Variants in NR3C2 observed in about 807,000 individuals in gnomAD.
The protein encoded by NR3C2 is nuclear receptor subfamily 3 group C member 2, also known as mineralocorticoid receptor.
A neutral mutation model predicts 86.4 loss-of-function variants in NR3C2; 15 were observed. The observed-to-expected ratio is 0.17, with a 90% CI of 0.12 to 0.27. The LOEUF is 0.27. NR3C2 is among the 10% of genes least tolerant of loss of function. The pLI is 1.00. For missense variants in NR3C2, 960 were observed against 1,195.6 expected (o/e 0.80, Z 2.91); for synonymous variants, 458 against 450.5 (o/e 1.02, Z -0.21).
rs1317208114 is a variant in NR3C2 at position 148,435,442 on chromosome 4, T to C, written c.1419A>G (p.Leu473=). Reference sequence around the variant, plus strand: ...CATCAAAGCCGGGCACAGGTGGTCCTAAAATTCCTGATAGGGAATAATAGT... The same window carrying C: ...CATCAAAGCCGGGCACAGGTGGTCCCAAAATTCCTGATAGGGAATAATAGT... ...DKDYYSLSGI[L]GPPVPGFDGN... Residue 473 remains leucine, a synonymous_variant, in exon 2 of 9, where the codon TTA becomes TTG. Transcript: ENST00000358102. 6.2e-7 allele frequency: 1 copy of C among 1,614,050 alleles called. No homozygotes were observed. Among genetic ancestry groups the C allele is most frequent in the African/African-American group, 1.3e-5 (1 of 74,918 alleles).
In NR3C2 at chr4:148,081,010, GA is replaced by G; in HGVS notation, c.*333del. The G allele has an allele frequency of 2.7e-6, 1 of 374,172 alleles. No homozygotes were observed. The highest frequency in any genetic ancestry group is 3.8e-5 in the Admixed American group (1 of 26,626). The allele number at this position is 374,172 out of a possible 1,614,324, so 23.2% of individuals were successfully genotyped here. A position where few individuals can be genotyped will look rare whatever the true frequency, so the allele number is the denominator to read the frequency against. On this transcript the variant is annotated 3_prime_UTR_variant, in exon 9 of 9. Coordinates refer to ENST00000358102, the MANE Select transcript of NR3C2 (RefSeq NM_000901.5). ...CTTTTAAAACAAGCGAACGATACCAGAAACTACACGGCATAGTTAAAACTTC... is the reference window on the plus strand; with the variant it reads ...CTTTTAAAACAAGCGAACGATACCAGAACTACACGGCATAGTTAAAACTTC...
intron 3 of NR3C2, among the ~76,000 whole-genome samples, chr4:148,222,456 A>T (rs1379608408): frequency 6.6e-6 from 1 of 152,224 alleles, no homozygotes; most frequent in East Asian, 1.9e-4. Context: ...GAAAAAGAAG[A>T]TGAAAAATTT....
chr4:148,357,152 C>T (rs1314320818), intron 2 of NR3C2, among the ~76,000 whole-genome samples: 1 of 152,098 alleles, frequency 6.6e-6, no homozygotes, highest in African/African-American at 2.4e-5. Context: ...TGTTCCAAGG[C>T]TGATCTGGCA....
chr4:148,187,050 A>G (rs1735959652), intron 4 of NR3C2, among the ~76,000 whole-genome samples: 1 of 134,874 alleles, frequency 7.4e-6, no homozygotes, highest in Admixed American at 7.5e-5. Context: ...ATATAAAGAA[A>G]CTGTGATATA....
chr4:148,271,401 G>A (rs1456292950), intron 2 of NR3C2, among the ~76,000 whole-genome samples: 2 of 151,920 alleles, frequency 1.3e-5, no homozygotes, highest in Non-Finnish European at 2.9e-5. Context: ...TGAAGTTTGG[G>A]GTTGTTTCTT....
At chr4:148,423,346 ATTTGTCCTGC>A (rs1749374203) in intron 2 of NR3C2, among the ~76,000 whole-genome samples, 1 of 152,056 alleles carries the variant, frequency 6.6e-6, no homozygotes, top group Non-Finnish European at 1.5e-5. Flanking sequence ...GGCAAGTTTC[ATTTGTCCTGC>A]CTAGCACTTG....
At chr4:148,143,947 CAAAAAAA>C (rs67177081) in intron 6 of NR3C2, among the ~76,000 whole-genome samples, 1 of 64,424 alleles carries the variant, frequency 1.6e-5, no homozygotes, top group Non-Finnish European at 2.7e-5. Context: ...AACTCTGTCT[CAAAAAAA>C]AAAAAAAAAA....
At chr4:148,300,214 T>C (rs774737586) in intron 2 of NR3C2, among the ~76,000 whole-genome samples, 2 of 152,228 alleles carry the variant, frequency 1.3e-5, no homozygotes, top group Non-Finnish European at 2.9e-5. Flanking sequence ...CATTTTGCGA[T>C]GGTGGCCCAG....
At chr4:148,156,424 C>T (rs1030677303) in intron 4 of NR3C2, among the ~76,000 whole-genome samples, 4 of 151,968 alleles carry the variant, frequency 2.6e-5, no homozygotes, top group Admixed American at 6.6e-5. Flanking sequence ...AAGAAAAAAA[C>T]AAACAACCCC....
intron 7 of NR3C2, among the ~76,000 whole-genome samples, chr4:148,115,879 A>G (rs1732252859): frequency 6.6e-6 from 1 of 152,238 alleles, no homozygotes. Flanking sequence ...TCCATTATAT[A>G]ACAAATAGTA....
At chr4:148,093,754 A>G (rs186664194) in intron 8 of NR3C2, among the ~76,000 whole-genome samples, 2 of 152,348 alleles carry the variant, frequency 1.3e-5, no homozygotes, top group Non-Finnish European at 2.9e-5. Context: ...CAGTGATTAT[A>G]TAAGAAGTTT....
intron 4 of NR3C2, among the ~76,000 whole-genome samples, chr4:148,185,063 C>G (rs1735828961): frequency 6.6e-6 from 1 of 152,204 alleles, no homozygotes; most frequent in African/African-American, 2.4e-5. Flanking sequence ...CGAACCACCC[C>G]ACATTCACCA....
intron 2 of NR3C2, among the ~76,000 whole-genome samples, chr4:148,265,737 G>T (rs1561008609): frequency 6.6e-6 from 1 of 152,102 alleles, no homozygotes; most frequent in Non-Finnish European, 1.5e-5. Flanking sequence ...CTATCTTAGA[G>T]CACAGCGAGA....
chr4:148,330,698 G>A (rs6826213), intron 2 of NR3C2, among the ~76,000 whole-genome samples: 22,008 of 152,162 alleles, frequency 0.14, 1,744 homozygotes, highest in South Asian at 0.27. Context: ...TATATGATAT[G>A]CTTTGGATTA....
Position 148,435,877 on chromosome 4 carries a change from A to C in NR3C2, c.984T>G (p.Ser328Arg). 6.2e-7 allele frequency: 1 copy of C among 1,614,196 alleles called. No homozygotes were observed. The highest frequency in any genetic ancestry group is 8.5e-7 in the Non-Finnish European group (1 of 1,180,038). Residue 328 changes from serine (S) to arginine (R), a missense_variant, in exon 2 of 9, where the codon AGT (serine) becomes AGG (arginine). Ser to Arg is a moderately radical substitution (Grantham distance 110). This residue lies in a region of NR3C2 where 680 missense variants were observed against 719.0 expected (regional missense o/e 0.95). Transcript: ENST00000358102. ...NRSTLSSPAA[S>R]TVGSICSPVN... ...CAGGGCTACAGATAGATCCCACAGT[A>C]CTGGCTGCCGGACTGGAAAGCGTGG...
In NR3C2 at chr4:148,116,046, C is replaced by T. The variant is rs1455255566; in HGVS notation, c.2642-1785G>A. ...AAGTTTTCAAATATCTTACACTTCC[C>T]ACCCACAGATTAGCATTTAAGTTAT... On this transcript the variant is annotated intron_variant, in intron 7 of 8. Coordinates refer to ENST00000358102, the MANE Select transcript of NR3C2 (RefSeq NM_000901.5). Among the ~76,000 whole-genome samples, 2 of 152,134 alleles carry T rather than the reference C, an allele frequency of 1.3e-5. 1 individual carries two copies. Among genetic ancestry groups the T allele is most frequent in the East Asian group, 3.8e-4 (2 of 5,200 alleles).
chr4:148,239,284 G>A (rs11721992), intron 3 of NR3C2, among the ~76,000 whole-genome samples: 22,435 of 152,162 alleles, frequency 0.15, 2,083 homozygotes, highest in Admixed American at 0.24. Flanking sequence ...AATGCCATGG[G>A]CCTTTCTCTT....
At chr4:148,433,224 A>G (rs1344102829) in intron 2 of NR3C2, among the ~76,000 whole-genome samples, 1 of 152,188 alleles carries the variant, frequency 6.6e-6, no homozygotes, top group Non-Finnish European at 1.5e-5. Context: ...GAACAAACAT[A>G]AGAGACAATC....
At chr4:148,082,793 G>A (rs1014096011) in intron 8 of NR3C2, among the ~76,000 whole-genome samples, 6 of 151,360 alleles carry the variant, frequency 4.0e-5, no homozygotes, top group East Asian at 3.9e-4. Flanking sequence ...CCACCACCAC[G>A]GAGCCTAGCA....
Sources: gnomAD v4.1 joint callset for allele counts (sites outside exome capture counted in the v4.1 genomes callset) on GRCh38, gnomAD v4.1.1 for gene constraint, gnomAD v4.1.1 regional missense constraint, MANE v1.5 for transcripts, NCBI Gene and HGNC (gene_info 2026-07-23, HGNC 2026-07-21) for gene names.